The following BIRC6 variants were observed in gnomAD, a reference collection of about 807,000 sequenced individuals.
BIRC6 encodes baculoviral IAP repeat containing 6, also known as dual E2 ubiquitin-conjugating enzyme/E3 ubiquitin-protein ligase BIRC6.
A neutral mutation model predicts 503.3 loss-of-function variants in BIRC6; 98 were observed. That is an observed-to-expected ratio of 0.19 (90% CI 0.17 to 0.23). The LOEUF (loss-of-function observed/expected upper bound fraction) is 0.23. Among genes scored for constraint, BIRC6 ranks in the 10% least tolerant of loss-of-function variants. BIRC6 has a pLI of 1.00. For synonymous variants in BIRC6, 2,240 were observed against 2,078.7 expected (o/e 1.08, Z -2.11); for missense variants, 5,360 against 5,806.0 (o/e 0.92, Z 2.50).
chr2:32,529,429 C>A, intron 59 of BIRC6: 1 of 402,336 alleles, frequency 2.5e-6, no homozygotes, highest in East Asian at 4.2e-5. Flanking sequence ...ACGTTTTGCC[C>A]ATGACTTTTT....
chr2:32,467,077 C>T (rs1209083779), intron 26 of BIRC6, among the ~76,000 whole-genome samples: 1 of 151,042 alleles, frequency 6.6e-6, no homozygotes. Flanking sequence ...AGAGATCGCG[C>T]CACTGCACTC....
At chr2:32,601,388 C>G (rs567241394) in intron 70 of BIRC6, among the ~76,000 whole-genome samples, 1 of 152,130 alleles carries the variant, frequency 6.6e-6, no homozygotes, top group East Asian at 1.9e-4. Context: ...TTTAGACCAG[C>G]CTGACCAACA....
chr2:32,468,438 T>C lies in BIRC6; in HGVS notation c.5782T>C (p.Tyr1928His), dbSNP rs1239080630. 3 of 1,564,754 alleles carry C rather than the reference T, an allele frequency of 1.9e-6. No individual in the cohort carries two copies. In the South Asian group the frequency reaches 3.6e-5, roughly 19 times the overall value. ...TTGTTCAATCTTTTTTTACTTTAGG[T>C]ATAACTTGGCTTGTCATCGTCTGGA... ...VALQEDIQCR[Y>H]NLACHRLETL... The change falls in exon 29 of 74, where the codon TAT (tyrosine) becomes CAT (histidine). Residue 1928 changes from tyrosine (Y) to histidine (H), a missense_variant and splice_region_variant. By Grantham distance (83) the Tyr-to-His change is moderately conservative. This residue lies in a region of BIRC6 where 2,299 missense variants were observed against 2,267.2 expected (regional missense o/e 1.01). Coordinates refer to ENST00000421745, the MANE Select transcript of BIRC6 (RefSeq NM_016252.4).
intron 61 of BIRC6, among the ~76,000 whole-genome samples, chr2:32,532,756 A>G (rs1483985116): frequency 2.0e-5 from 3 of 152,198 alleles, no homozygotes; most frequent in African/African-American, 7.2e-5. Context: ...TTCTTACTAG[A>G]CAATGACATA....
intron 24 of BIRC6, among the ~76,000 whole-genome samples, chr2:32,464,205 A>G (rs1394205937): frequency 6.6e-6 from 1 of 152,108 alleles, no homozygotes; most frequent in African/African-American, 2.4e-5. Context: ...TGAGAATTCA[A>G]CTCCTTATAA....
intron 66 of BIRC6, among the ~76,000 whole-genome samples, chr2:32,576,524 G>A (rs958281348): frequency 1.1e-4 from 16 of 152,066 alleles, no homozygotes; most frequent in African/African-American, 3.4e-4. Context: ...TCCTTTTTCA[G>A]TTACCTTTTG....
intron 8 of BIRC6, among the ~76,000 whole-genome samples, chr2:32,402,345 A>G (rs1005400630): frequency 6.6e-5 from 10 of 152,136 alleles, no homozygotes; most frequent in African/African-American, 1.9e-4. Flanking sequence ...GCCATGTGAA[A>G]TGGAGCTATT....
chr2:32,472,176 C>T (rs925274231), intron 32 of BIRC6, among the ~76,000 whole-genome samples: 1 of 152,148 alleles, frequency 6.6e-6, no homozygotes. Context: ...ACAGGATTCT[C>T]CTGTCTCAGC....
intron 71 of BIRC6, among the ~76,000 whole-genome samples, chr2:32,604,379 G>A (rs897867409): frequency 6.6e-6 from 1 of 152,132 alleles, no homozygotes; most frequent in Non-Finnish European, 1.5e-5. Flanking sequence ...AATGTAGTGT[G>A]CATTAAAATG....
chr2:32,594,779 A>T (rs1297461424), intron 67 of BIRC6, among the ~76,000 whole-genome samples: 5 of 152,102 alleles, frequency 3.3e-5, no homozygotes, highest in African/African-American at 9.7e-5. Context: ...AGTGATCTGA[A>T]TTATCTATTG....
chr2:32,436,412 C>A (rs2044702655), intron 15 of BIRC6, among the ~76,000 whole-genome samples: 3 of 152,046 alleles, frequency 2.0e-5, no homozygotes, highest in African/African-American at 7.2e-5. Flanking sequence ...TTTGAAAAAA[C>A]GTTGAAGAAA....
At chr2:32,574,083 A>G (rs915018975) in intron 65 of BIRC6, among the ~76,000 whole-genome samples, 1 of 151,340 alleles carries the variant, frequency 6.6e-6, no homozygotes, top group African/African-American at 2.4e-5. Context: ...CAGCTAACCT[A>G]TTAAGTTGAC....
At chr2:32,360,859 T>C (rs572833076) in intron 1 of BIRC6, among the ~76,000 whole-genome samples, 1 of 152,288 alleles carries the variant, frequency 6.6e-6, no homozygotes, top group South Asian at 2.1e-4. Context: ...TGTTTATATA[T>C]CCCTTCCCCA....
intron 57 of BIRC6, among the ~76,000 whole-genome samples, chr2:32,519,478 A>G (rs2055407920): frequency 6.6e-6 from 1 of 152,146 alleles, no homozygotes; most frequent in Non-Finnish European, 1.5e-5. Flanking sequence ...TTTAAAAAGC[A>G]GTTTTTGATG....
At chr2:32,401,679 T>C in intron 8 of BIRC6, 56 bp downstream of exon 8, 2 of 1,448,536 alleles carry the variant, frequency 1.4e-6, no homozygotes, top group Non-Finnish European at 1.9e-6. Context: ...TCCTAAATTT[T>C]ATATTCTCAT....
At chr2:32,527,037 C>T (rs1409310527) in intron 59 of BIRC6, 1 of 152,222 alleles carries the variant, frequency 6.6e-6, no homozygotes, top group Non-Finnish European at 1.5e-5. Flanking sequence ...GGGACAGCCC[C>T]TCCAGGAATT....
chr2:32,396,238 G>GGAAC (rs552996098), intron 6 of BIRC6, among the ~76,000 whole-genome samples: 192 of 152,164 alleles, frequency 1.3e-3, no homozygotes, highest in Non-Finnish European at 2.4e-3. Context: ...TTTATAGGAG[G>GGAAC]GAACTATGAA....
Position 32,501,866 on chromosome 2 carries a change from C to T in BIRC6, c.9185C>T (p.Ala3062Val). The change falls in exon 47 of 74, where the codon GCC (alanine) becomes GTC (valine). Residue 3062 changes from alanine (A) to valine (V), a missense_variant. Ala to Val is a moderately conservative substitution (Grantham distance 64, BLOSUM62 0). This residue lies in a region of BIRC6 where 267 missense variants were observed against 287.6 expected (regional missense o/e 0.93). Transcript: ENST00000421745. ...MMLQPILTYM[A>V]CGYMGRQGSL... ...CTGCAGCCAATTTTAACATACATGG[C>T]CTGTGGATATATGGGCAGACAAGTA... 3 of 1,610,982 alleles carry T rather than the reference C, an allele frequency of 1.9e-6. No homozygotes were observed. Among genetic ancestry groups the T allele is most frequent in the Non-Finnish European group, 2.5e-6 (3 of 1,179,064 alleles).
chr2:32,590,608 A>G (rs76036342), intron 66 of BIRC6, among the ~76,000 whole-genome samples: 5,189 of 152,232 alleles, frequency 0.034, 188 homozygotes, highest in African/African-American at 0.099. Context: ...ATGTTGAGGT[A>G]TGGGTTTGCT....
Sources: gnomAD v4.1 joint callset for allele counts (sites outside exome capture counted in the v4.1 genomes callset) on GRCh38, gnomAD v4.1.1 for gene constraint, gnomAD v4.1.1 regional missense constraint, MANE v1.5 for transcripts, NCBI Gene and HGNC (gene_info 2026-07-23, HGNC 2026-07-21) for gene names.